MECOM: variants seen among roughly 807,000 people sequenced by gnomAD.
The protein encoded by MECOM is MDS1 and EVI1 complex locus, also known as histone-lysine N-methyltransferase MECOM.
A neutral mutation model predicts 116.3 loss-of-function variants in MECOM; 13 were observed. The ratio of observed to expected loss-of-function variants is 0.11; its 90% CI spans 0.07 to 0.18. The LOEUF is 0.18. MECOM is among the 10% of genes least tolerant of loss of function. The pLI, the probability that MECOM is intolerant of heterozygous loss-of-function variation, is 1.00. For synonymous variants in MECOM, 528 were observed against 535.2 expected, an observed-to-expected ratio of 0.99 and a Z score of 0.19; for missense variants, 1,299 against 1,509.0, an observed-to-expected ratio of 0.86 and a Z score of 2.31.
At chr3:169,207,024 T>C (rs1750023688) in intron 2 of MECOM, among the ~76,000 whole-genome samples, 1 of 152,202 alleles carries the variant, frequency 6.6e-6, no homozygotes, top group Admixed American at 6.5e-5. Context: ...AAAATGATGA[T>C]ATAGCATAAA....
At chr3:169,429,188 T>C (rs960714597) in intron 1 of MECOM, among the ~76,000 whole-genome samples, 3 of 152,202 alleles carry the variant, frequency 2.0e-5, no homozygotes, top group African/African-American at 7.2e-5. Context: ...TGATCAGATA[T>C]GCTGTATATA....
At chr3:169,425,392 T>C (rs887678301) in intron 1 of MECOM, among the ~76,000 whole-genome samples, 2 of 152,200 alleles carry the variant, frequency 1.3e-5, no homozygotes, top group East Asian at 3.8e-4. Flanking sequence ...TCTATCCAGA[T>C]ATGGTCATAG....
chr3:169,382,849 C>CAAAAAAAAAAAAAAAAA (rs1157852145), intron 1 of MECOM, among the ~76,000 whole-genome samples: 5 of 47,154 alleles, frequency 1.1e-4, no homozygotes, highest in East Asian at 4.3e-3. Context: ...AAGCCCATCT[C>CAAAAAAAAAAAAAAAAA]AAAAAAAAAA....
chr3:169,492,727 C>T (rs770426505), intron 1 of MECOM, among the ~76,000 whole-genome samples: 4 of 152,126 alleles, frequency 2.6e-5, no homozygotes, highest in South Asian at 2.1e-4. Flanking sequence ...TTTGGGAGGC[C>T]GAGGCGGGCA....
chr3:169,502,706 C>T (rs1754681337), intron 1 of MECOM, among the ~76,000 whole-genome samples: 1 of 151,984 alleles, frequency 6.6e-6, no homozygotes, highest in Non-Finnish European at 1.5e-5. Flanking sequence ...GTAAAAATGG[C>T]TTTAAAGTTC....
chr3:169,395,638 G>A (rs1262267289), intron 1 of MECOM, among the ~76,000 whole-genome samples: 3 of 151,992 alleles, frequency 2.0e-5, no homozygotes, highest in African/African-American at 7.2e-5. Context: ...AAGAAAAAAG[G>A]AATAAAAAAC....
intron 1 of MECOM, among the ~76,000 whole-genome samples, chr3:169,511,341 A>G (rs144909143): frequency 6.6e-6 from 1 of 152,362 alleles, no homozygotes; most frequent in East Asian, 1.9e-4. Context: ...ACAGTGGCTC[A>G]ATGAGGTCGA....
At chr3:169,169,312 T>C (rs1358638527) in intron 2 of MECOM, among the ~76,000 whole-genome samples, 1 of 152,194 alleles carries the variant, frequency 6.6e-6, no homozygotes, top group African/African-American at 2.4e-5. Context: ...GAAGAAAGAC[T>C]TGAAACTATG....
At chr3:169,428,460 G>T (rs1296878276) in intron 1 of MECOM, among the ~76,000 whole-genome samples, 1 of 152,158 alleles carries the variant, frequency 6.6e-6, no homozygotes, top group African/African-American at 2.4e-5. Flanking sequence ...TGGAGCTTAG[G>T]CAGCAGTGCT....
chr3:169,147,082 C>T (rs1202364628), intron 2 of MECOM: 3 of 987,822 alleles, frequency 3.0e-6, no homozygotes, highest in Non-Finnish European at 3.6e-6. Context: ...TAAATGAGCT[C>T]GGAGCTATTC....
intron 1 of MECOM, among the ~76,000 whole-genome samples, chr3:169,410,196 G>A (rs1335121939): frequency 6.6e-6 from 1 of 152,174 alleles, no homozygotes; most frequent in Non-Finnish European, 1.5e-5. Flanking sequence ...AAAAACAGTT[G>A]TGACAAAGCA....
chr3:169,426,261 A>C (rs1423875215), intron 1 of MECOM, among the ~76,000 whole-genome samples: 1 of 152,206 alleles, frequency 6.6e-6, no homozygotes, highest in African/African-American at 2.4e-5. Context: ...TATTTTAAGA[A>C]AGAAGTCATT....
chr3:169,127,729 G>A, intron 5 of MECOM, 115 bp downstream of exon 5: 1 of 759,302 alleles, frequency 1.3e-6, no homozygotes, highest in South Asian at 1.6e-5. Flanking sequence ...TGTCACGAGT[G>A]CATTTGTCCA....
chr3:169,539,690 G>A (rs902770345), intron 1 of MECOM, among the ~76,000 whole-genome samples: 1 of 152,106 alleles, frequency 6.6e-6, no homozygotes, highest in African/African-American at 2.4e-5. Context: ...CAAGATCCAT[G>A]CTCTGCCCAG....
chr3:169,605,125 G>A (rs942860087), intron 1 of MECOM, among the ~76,000 whole-genome samples: 57 of 152,118 alleles, frequency 3.7e-4, no homozygotes, highest in South Asian at 1.2e-3. Context: ...CAGAAATGCC[G>A]AAAAAAATAA....
Position 169,526,755 on chromosome 3 carries a change from T to G in MECOM, c.37+136581A>C, listed in dbSNP as rs74918701. Among the ~76,000 whole-genome samples, 9 of 152,312 alleles carry G rather than the reference T, an allele frequency of 5.9e-5. No homozygotes were observed. In the East Asian group the frequency reaches 1.3e-3, roughly 23 times the overall value. On this transcript the variant is annotated intron_variant, in intron 1 of 16. Transcript: ENST00000651503. ...TATGTGAGTGCAGTACTCAGGTAACTAAGCCCTGACTACTTTTTGCAATTT... is the reference window on the plus strand; with the variant it reads ...TATGTGAGTGCAGTACTCAGGTAACGAAGCCCTGACTACTTTTTGCAATTT...
At chr3:169,313,947 C>T (rs1338912183) in intron 2 of MECOM, among the ~76,000 whole-genome samples, 2 of 152,196 alleles carry the variant, frequency 1.3e-5, no homozygotes, top group Non-Finnish European at 2.9e-5. Flanking sequence ...AAGAAACAGA[C>T]TTCCATTTTA....
intron 1 of MECOM, among the ~76,000 whole-genome samples, chr3:169,486,017 T>TATATA (rs1560341532): frequency 4.5e-5 from 5 of 111,708 alleles, no homozygotes; most frequent in Admixed American, 9.3e-5. Flanking sequence ...TATATATATA[T>TATATA]GTATATATAG....
At chr3:169,628,868 T>G (rs1771720932) in intron 1 of MECOM, among the ~76,000 whole-genome samples, 2 of 152,144 alleles carry the variant, frequency 1.3e-5, no homozygotes, top group South Asian at 4.1e-4. Flanking sequence ...AAGTCAGCTA[T>G]TGGGCCCTGA....
Sources: allele counts gnomAD v4.1 joint callset (sites outside exome capture counted in the v4.1 genomes callset), GRCh38; gene constraint gnomAD v4.1.1; transcripts MANE v1.5; gene names NCBI Gene and HGNC (gene_info 2026-07-23, HGNC 2026-07-21).